The following NSDHL variants were observed in gnomAD, a reference collection of about 807,000 sequenced individuals.
NSDHL encodes sterol-4-alpha-carboxylate 3-dehydrogenase, decarboxylating.
Under a neutral mutation model 23.0 loss-of-function variants are expected in NSDHL, and 1 was observed. The ratio of observed to expected loss-of-function variants is 0.04; its 90% CI spans 0.02 to 0.21. NSDHL has a LOEUF of 0.21. Among genes scored for constraint, NSDHL ranks in the 10% least tolerant of loss-of-function variants. The pLI, the probability that NSDHL is intolerant of heterozygous loss-of-function variation, is 1.00. For missense variants in NSDHL, 237 were observed against 300.9 expected (o/e 0.79, Z 1.57); for synonymous variants, 128 against 121.1 (o/e 1.06, Z -0.37).
chrX:152,845,352 A>C (rs1467245479), intron 1 of NSDHL, among the ~76,000 whole-genome samples: 11 of 112,168 alleles, frequency 9.8e-5, no homozygotes, highest in Admixed American at 9.4e-4. Flanking sequence ...CTAGCCTTTC[A>C]TGAGCAAAGT....
chrX:152,848,571 A>C (rs1381679941), intron 2 of NSDHL, among the ~76,000 whole-genome samples: 1 of 113,027 alleles, frequency 8.8e-6, no homozygotes, highest in South Asian at 3.6e-4. Flanking sequence ...ACACTGGACT[A>C]ACAGCAAGGT....
intron 5 of NSDHL, 106 bp from the exon 6 acceptor site, chrX:152,865,713 C>T: frequency 1.0e-6 from 1 of 1,001,155 alleles, no homozygotes; most frequent in Non-Finnish European, 1.4e-6. Flanking sequence ...CAGAGTGTGT[C>T]ATCTGTCTGT....
intron 1 of NSDHL, among the ~76,000 whole-genome samples, chrX:152,841,028 C>G (rs781925971): frequency 1.8e-5 from 2 of 113,012 alleles, no homozygotes; most frequent in Admixed American, 1.9e-4. Context: ...CGCCCCTCCC[C>G]CTCCAGGCTG....
At chrX:152,837,973 A>C (rs1240112377) in intron 1 of NSDHL, among the ~76,000 whole-genome samples, 6 of 111,333 alleles carry the variant, frequency 5.4e-5, no homozygotes, top group African/African-American at 1.6e-4. Context: ...TCAATTTCAG[A>C]GCCTGTTATT....
intron 2 of NSDHL, among the ~76,000 whole-genome samples, chrX:152,846,675 A>G (rs956926180): frequency 1.5e-4 from 17 of 112,135 alleles, no homozygotes; most frequent in Non-Finnish European, 2.4e-4. Context: ...GTGTTCTTGG[A>G]TGGTCTCCCC....
chrX:152,865,986 C>T, intron 6 of NSDHL, 25 bp downstream of exon 6: 5 of 1,207,653 alleles, frequency 4.1e-6, no homozygotes, highest in Non-Finnish European at 5.6e-6. Context: ...AGCGGCTCTT[C>T]CCTAGTCCTT....
intron 7 of NSDHL, among the ~76,000 whole-genome samples, chrX:152,868,246 T>C (rs1011501598): frequency 2.7e-5 from 3 of 109,145 alleles, no homozygotes; most frequent in Non-Finnish European, 3.8e-5. Flanking sequence ...CAAGCGATTC[T>C]CATGCCTGAG....
rs1428115918 is a variant in NSDHL, at chrX:152,869,216, G to T, written c.*100G>T. On this transcript the variant is annotated 3_prime_UTR_variant, in exon 8 of 8. Coordinates refer to ENST00000370274, the MANE Select transcript of NSDHL (RefSeq NM_015922.3). ...CATCCTTTGAATGAGTTTGCTCTGA[G>T]CCTGTGACTCCTTCTGCTAGGCAGA... 4.2e-6 allele frequency: 3 copies of T among 713,524 alleles called. No homozygotes were observed. Among genetic ancestry groups the T allele is most frequent in the Non-Finnish European group, 6.5e-6 (3 of 462,464 alleles). The allele number at this position is 713,524 out of a possible 1,213,427, so 58.8% of individuals were successfully genotyped here.
intron 4 of NSDHL, among the ~76,000 whole-genome samples, chrX:152,861,394 T>C (rs1268681755): frequency 8.8e-6 from 1 of 113,217 alleles, no homozygotes; most frequent in African/African-American, 3.2e-5. Context: ...GACCTCCCTG[T>C]CTGCCCATGC....
At chrX:152,861,740 T>C (rs1245077489) in intron 4 of NSDHL, among the ~76,000 whole-genome samples, 2 of 113,006 alleles carry the variant, frequency 1.8e-5, no homozygotes, top group Admixed American at 9.4e-5. Flanking sequence ...TTTATTTGTA[T>C]GTACTTCGTT....
intron 5 of NSDHL, among the ~76,000 whole-genome samples, chrX:152,863,645 A>C (rs1556847744): frequency 1.8e-5 from 2 of 112,892 alleles, no homozygotes. Context: ...CCAAGCCTTC[A>C]GGCTGCTGGG....
intron 5 of NSDHL, among the ~76,000 whole-genome samples, chrX:152,864,555 G>A (rs1161551746): frequency 8.9e-6 from 1 of 112,136 alleles, no homozygotes; most frequent in Non-Finnish European, 1.9e-5. Context: ...CAACTTTTGG[G>A]TTCTCAACTG....
intron 4 of NSDHL, among the ~76,000 whole-genome samples, chrX:152,861,825 G>T (rs1427575722): frequency 1.8e-5 from 2 of 112,231 alleles, no homozygotes; most frequent in Non-Finnish European, 3.8e-5. Context: ...TTTGTATATT[G>T]ATTTTTAATT....
intron 1 of NSDHL, among the ~76,000 whole-genome samples, chrX:152,837,097 C>G (rs1315672054): frequency 8.9e-6 from 1 of 111,816 alleles, no homozygotes; most frequent in Non-Finnish European, 1.9e-5. Context: ...TGATTTGGCT[C>G]TCTGTTTGTC....
intron 1 of NSDHL, among the ~76,000 whole-genome samples, chrX:152,835,513 T>C (rs1403320807): frequency 9.7e-6 from 1 of 103,460 alleles, no homozygotes; most frequent in Non-Finnish European, 2.0e-5. Flanking sequence ...AGTGTTCTTA[T>C]TGTTCAGTTC....
chrX:152,839,588 G>A (rs1174600554), intron 1 of NSDHL, among the ~76,000 whole-genome samples: 5 of 112,370 alleles, frequency 4.4e-5, no homozygotes, highest in African/African-American at 1.6e-4. Flanking sequence ...GAAATTCTAG[G>A]TTGAAAATTC....
intron 1 of NSDHL, among the ~76,000 whole-genome samples, chrX:152,843,406 G>C (rs1243860467): frequency 1.8e-5 from 2 of 112,148 alleles, no homozygotes; most frequent in African/African-American, 6.5e-5. Context: ...AGTTCTGGAG[G>C]CCACAAGTCC....
rs781893581 is a variant in NSDHL at position 152,865,938 on chromosome X, C to T, written c.663C>T (p.Asn221=). 21 of 1,211,219 alleles carry T rather than the reference C, an allele frequency of 1.7e-5. No individual in the cohort carries two copies. The highest frequency in any genetic ancestry group is 2.3e-4 in the Middle Eastern group (1 of 4,376). The change falls in exon 6 of 8, where the codon AAC becomes AAT. Residue 221 remains asparagine, a synonymous_variant. Transcript: ENST00000370274. ...LVPILIEAAR[N]GKMKFVIGNG... ...CCATCCTCATCGAGGCAGCCAGGAA[C>T]GGCAAGATGAAGTTCGTGATTGGGT... is the stretch of plus-strand genomic sequence containing the variant.
intron 3 of NSDHL, among the ~76,000 whole-genome samples, chrX:152,851,998 G>T (rs145540990): frequency 1.8e-5 from 2 of 110,737 alleles, no homozygotes; most frequent in East Asian, 5.7e-4. Context: ...TCTCTGTCCA[G>T]CTCATGCCCT....
Sources: gnomAD v4.1 joint callset for allele counts (sites outside exome capture counted in the v4.1 genomes callset) on GRCh38, gnomAD v4.1.1 for gene constraint, MANE v1.5 for transcripts, NCBI Gene and HGNC (gene_info 2026-07-23, HGNC 2026-07-21) for gene names.